Variants in DPP10 observed in about 807,000 individuals in gnomAD.
DPP10 encodes dipeptidyl peptidase like 10.
A neutral mutation model predicts 120.9 loss-of-function variants in DPP10; 33 were observed. The observed-to-expected ratio is 0.27, with a 90% CI of 0.21 to 0.37. The LOEUF is 0.37. Among genes scored for constraint, DPP10 ranks in the 10% least tolerant of loss-of-function variants. The probability of loss-of-function intolerance (pLI) is 1.00; values close to 1 mark genes in which losing one functional copy is unlikely to be tolerated. For missense variants in DPP10, 816 were observed against 942.8 expected (o/e 0.87, Z 1.76); for synonymous variants, 337 against 326.1 (o/e 1.03, Z -0.36).
intron 1 of DPP10, among the ~76,000 whole-genome samples, chr2:114,961,295 C>G (rs760607656): frequency 7.2e-5 from 11 of 152,188 alleles, no homozygotes; most frequent in Non-Finnish European, 1.3e-4. Context: ...CTCAGGTGAT[C>G]TGCCCACCTC....
At chr2:115,349,415 G>T (rs189805364) in intron 3 of DPP10, among the ~76,000 whole-genome samples, 73 of 151,916 alleles carry the variant, frequency 4.8e-4, no homozygotes, top group African/African-American at 1.4e-3. Flanking sequence ...CAAAGTAAGT[G>T]AGCAAAAATA....
rs71394140 is a variant in DPP10 at position 115,459,938 on chromosome 2, T to TAC, written c.272-39561_272-39560dup. On this transcript the variant is annotated intron_variant, in intron 3 of 25. Transcript: ENST00000410059. ...AAAACATATATTTTATATATATATATACACACACACACCTTTGTTTGCATT... is the reference window on the plus strand; with the variant it reads ...AAAACATATATTTTATATATATATATACACACACACACACCTTTGTTTGCATT... Among the ~76,000 whole-genome samples the TAC allele has an allele frequency of 7.0e-5, 9 of 128,528 alleles. 1 individual carries two copies. The highest frequency in any genetic ancestry group is 4.4e-4 in the East Asian group (2 of 4,514). 84.3% of individuals were successfully genotyped at this position (128,528 alleles called of 152,430 possible). A position where few individuals can be genotyped will look rare whatever the true frequency, so the allele number is the denominator to read the frequency against.
At chr2:115,217,706 A>C (rs1289190700) in intron 1 of DPP10, among the ~76,000 whole-genome samples, 1 of 152,174 alleles carries the variant, frequency 6.6e-6, no homozygotes, top group Non-Finnish European at 1.5e-5. Flanking sequence ...GCTTTTTGGA[A>C]AATCACACCA....
At chr2:114,676,244 G>GA (rs973086408) in intron 1 of DPP10, among the ~76,000 whole-genome samples, 1 of 152,030 alleles carries the variant, frequency 6.6e-6, no homozygotes, top group Non-Finnish European at 1.5e-5. Context: ...AAAAGTAGTA[G>GA]AAAAAAATGG....
intron 10 of DPP10, among the ~76,000 whole-genome samples, chr2:115,747,836 G>A (rs780724913): frequency 2.6e-5 from 4 of 152,100 alleles, no homozygotes; most frequent in Admixed American, 6.5e-5. Context: ...CTCGTGATCC[G>A]CCCGCCTTGG....
chr2:115,516,653 C>A (rs529325452), intron 4 of DPP10, among the ~76,000 whole-genome samples: 1 of 148,328 alleles, frequency 6.7e-6, no homozygotes, highest in African/African-American at 2.5e-5. Context: ...TTGTTGCTTG[C>A]ATCCTGTATC....
chr2:114,850,949 TAG>T (rs1688902975), intron 1 of DPP10, among the ~76,000 whole-genome samples: 1 of 152,184 alleles, frequency 6.6e-6, no homozygotes, highest in Admixed American at 6.5e-5. Flanking sequence ...CTGTTTTGTT[TAG>T]AGTGTTTTGT....
At chr2:115,367,812 A>G (rs779698325) in intron 3 of DPP10, among the ~76,000 whole-genome samples, 5 of 152,186 alleles carry the variant, frequency 3.3e-5, no homozygotes, top group African/African-American at 4.8e-5. Flanking sequence ...TATATCTAAT[A>G]AAACTAGTTT....
intron 1 of DPP10, among the ~76,000 whole-genome samples, chr2:115,214,411 GA>G (rs1327083646): frequency 2.6e-5 from 4 of 152,298 alleles, no homozygotes; most frequent in Admixed American, 6.5e-5. Flanking sequence ...TACATGGTAT[GA>G]AATTGTTAAA....
intron 5 of DPP10, among the ~76,000 whole-genome samples, chr2:115,651,510 A>G (rs1041705130): frequency 6.6e-6 from 1 of 152,074 alleles, no homozygotes; most frequent in Non-Finnish European, 1.5e-5. Context: ...TTTCAAGTAA[A>G]AGAATTCGAA....
At chr2:115,491,066 C>T (rs368992250) in intron 3 of DPP10, among the ~76,000 whole-genome samples, 4 of 152,174 alleles carry the variant, frequency 2.6e-5, no homozygotes, top group South Asian at 2.1e-4. Context: ...TGCAGTGAGT[C>T]GAGATCCCAC....
At chr2:115,592,996 C>A (rs2082765025) in intron 5 of DPP10, among the ~76,000 whole-genome samples, 1 of 152,070 alleles carries the variant, frequency 6.6e-6, no homozygotes, top group South Asian at 2.1e-4. Context: ...AATTTTTACA[C>A]ATTAAAAGCC....
chr2:115,107,732 A>G (rs373309802), intron 1 of DPP10, among the ~76,000 whole-genome samples: 1 of 152,254 alleles, frequency 6.6e-6, no homozygotes, highest in African/African-American at 2.4e-5. Context: ...GACTAAGGCA[A>G]TTTTATAGTA....
intron 5 of DPP10, among the ~76,000 whole-genome samples, chr2:115,557,268 C>T (rs2080273391): frequency 6.6e-6 from 1 of 152,084 alleles, no homozygotes; most frequent in African/African-American, 2.4e-5. Context: ...CATGACACTA[C>T]ACTACTTCTA....
intron 1 of DPP10, among the ~76,000 whole-genome samples, chr2:114,830,030 C>G (rs1412158836): frequency 6.6e-6 from 1 of 152,120 alleles, no homozygotes; most frequent in African/African-American, 2.4e-5. Flanking sequence ...ACTGTCCTTA[C>G]TGCTGTCCTC....
chr2:114,772,050 G>A (rs1681312202), intron 1 of DPP10, among the ~76,000 whole-genome samples: 1 of 151,370 alleles, frequency 6.6e-6, no homozygotes, highest in Non-Finnish European at 1.5e-5. Flanking sequence ...TATTATAATG[G>A]GATTACCCTA....
At chr2:114,517,564 C>T (rs1684702711) in intron 1 of DPP10, among the ~76,000 whole-genome samples, 1 of 151,652 alleles carries the variant, frequency 6.6e-6, no homozygotes, top group Non-Finnish European at 1.5e-5. Context: ...GTAAGATAAT[C>T]AGGACTTTAA....
intron 1 of DPP10, among the ~76,000 whole-genome samples, chr2:114,666,564 C>T (rs1263352290): frequency 1.3e-5 from 2 of 152,078 alleles, no homozygotes; most frequent in African/African-American, 4.8e-5. Flanking sequence ...CTGCCCTCAG[C>T]CATGTTAGAA....
intron 1 of DPP10, among the ~76,000 whole-genome samples, chr2:115,172,613 A>G (rs2053431092): frequency 6.6e-6 from 1 of 152,184 alleles, no homozygotes; most frequent in African/African-American, 2.4e-5. Flanking sequence ...AGTTTGAGCA[A>G]CTTACCCAGC....
Sources: allele counts gnomAD v4.1 joint callset (sites outside exome capture counted in the v4.1 genomes callset), GRCh38; gene constraint gnomAD v4.1.1; transcripts MANE v1.5; gene names NCBI Gene and HGNC (gene_info 2026-07-23, HGNC 2026-07-21).